Variants in ZNF69 observed in about 807,000 individuals in gnomAD.
ZNF69 encodes zinc finger protein 69.
In ZNF69, 47 loss-of-function variants were observed where a neutral mutation model predicts 50.9. The ratio of observed to expected loss-of-function variants is 0.92; its 90% CI spans 0.73 to 1.18. ZNF69 has a LOEUF of 1.18. Among genes scored for constraint, ZNF69 ranks in the 50% most tolerant of loss-of-function variants. The pLI is 0.00. For missense variants in ZNF69, 717 were observed against 675.1 expected (o/e 1.06, Z -0.69); for synonymous variants, 216 against 223.1 (o/e 0.97, Z 0.29).
Position 11,903,634 on chromosome 19 carries a change from A to C in ZNF69, c.125A>C (p.Asp42Ala). 1 of 1,614,146 alleles carries C rather than the reference A, an allele frequency of 6.2e-7. No homozygotes were observed. Among genetic ancestry groups the C allele is most frequent in the Non-Finnish European group, 8.5e-7 (1 of 1,180,020 alleles). ...ACCCAGGAGGAGTGGGCTTTGCTGG[A>C]TATTTCCCAGAGGAAACTCTACAAG... is the stretch of plus-strand genomic sequence containing the variant. The part of the protein sequence containing the change: ...NFTQEEWALL[D>A]ISQRKLYKEV... Residue 42 changes from aspartate to alanine, a missense_variant, in exon 2 of 4, where the codon GAT becomes GCT. By Grantham distance (126) the Asp-to-Ala change is moderately radical. Transcript: ENST00000429654.
At chr19:11,897,405 A>C (rs1275279541) in intron 1 of ZNF69, among the ~76,000 whole-genome samples, 1 of 152,096 alleles carries the variant, frequency 6.6e-6, no homozygotes, top group Non-Finnish European at 1.5e-5. Flanking sequence ...GCAACATGGC[A>C]AACTTTGCCT....
In ZNF69 at chr19:11,899,939, C is replaced by A. The variant is rs140505480; in HGVS notation, c.64-3634C>A. Reference sequence around the variant, plus strand: ...CTACTCCACCAGGTATTTGCTGGTGCTTTATTTTTGTTTTCCTTTTTTTTT... The same window carrying A: ...CTACTCCACCAGGTATTTGCTGGTGATTTATTTTTGTTTTCCTTTTTTTTT... On this transcript the variant is annotated intron_variant, in intron 1 of 3. Coordinates refer to ENST00000429654, the MANE Select transcript of ZNF69 (RefSeq NM_001364730.1). Among the ~76,000 whole-genome samples the A allele has an allele frequency of 2.1e-3, 322 of 152,206 alleles. 1 individual carries two copies. The highest frequency in any genetic ancestry group is 6.8e-3 in the African/African-American group (282 of 41,562).
At chr19:11,943,392 G>A in the ZNF69 span, among the ~76,000 whole-genome samples, 1 of 152,148 alleles carries the variant, frequency 6.6e-6, no homozygotes, top group Admixed American at 6.5e-5. Context: ...TTTCTTACCG[G>A]GCTAAAACAG....
the ZNF69 span, among the ~76,000 whole-genome samples, chr19:11,935,242 T>G: frequency 2.2e-4 from 31 of 140,710 alleles, 1 homozygote; most frequent in African/African-American, 7.6e-4. Flanking sequence ...TGTTTTTTTT[T>G]TTTTTTTTTT....
At chr19:11,939,658 A>C in the ZNF69 span, among the ~76,000 whole-genome samples, 1 of 152,126 alleles carries the variant, frequency 6.6e-6, no homozygotes, top group Non-Finnish European at 1.5e-5. Flanking sequence ...ATGGAGTTCC[A>C]CCACGTTGGC....
the ZNF69 span, chr19:11,949,514 AAC>A: frequency 1.9e-6 from 3 of 1,608,806 alleles, no homozygotes; most frequent in African/African-American, 2.7e-5. Context: ...AGGACAGAAA[AAC>A]ACATAAGAAT....
At chr19:11,975,786 A>G in the ZNF69 span, among the ~76,000 whole-genome samples, 1 of 152,102 alleles carries the variant, frequency 6.6e-6, no homozygotes, top group African/African-American at 2.4e-5. Context: ...GGGTGGCTGC[A>G]CTGCTCATTA....
At chr19:11,928,492 G>A in the ZNF69 span, among the ~76,000 whole-genome samples, 8 of 151,802 alleles carry the variant, frequency 5.3e-5, no homozygotes, top group African/African-American at 1.9e-4. Context: ...CAGCACTTTG[G>A]GAGGCCGAGG....
chr19:11,947,231 G>C, the ZNF69 span: 7 of 1,613,918 alleles, frequency 4.3e-6, no homozygotes, highest in African/African-American at 5.3e-5. Flanking sequence ...AGGAAGAGTG[G>C]ACATTGCTGG....
At chr19:11,942,146 GT>G in the ZNF69 span, among the ~76,000 whole-genome samples, 1 of 150,846 alleles carries the variant, frequency 6.6e-6, no homozygotes. Context: ...CATAATGGAT[GT>G]TTCTTTCTAC....
the ZNF69 span, chr19:11,949,949 A>T: frequency 6.2e-7 from 1 of 1,614,172 alleles, no homozygotes; most frequent in African/African-American, 1.3e-5. Flanking sequence ...GAAAGGACTC[A>T]CACTGGAGAG....
the ZNF69 span, among the ~76,000 whole-genome samples, chr19:11,967,656 G>A: frequency 1.3e-5 from 2 of 151,976 alleles, no homozygotes; most frequent in Admixed American, 1.3e-4. Flanking sequence ...ACCCACCTCG[G>A]CCTCCCAAAG....
At chr19:11,925,431 G>C in the ZNF69 span, among the ~76,000 whole-genome samples, 1 of 152,188 alleles carries the variant, frequency 6.6e-6, no homozygotes, top group African/African-American at 2.4e-5. Flanking sequence ...TTGGCCGCTG[G>C]ACGGGGCTGG....
At chr19:11,891,304 G>A (rs1038112048) in intron 1 of ZNF69, among the ~76,000 whole-genome samples, 2 of 151,184 alleles carry the variant, frequency 1.3e-5, no homozygotes, top group African/African-American at 4.9e-5. Flanking sequence ...GCTTGCACCT[G>A]TAGTTCCACG....
At chr19:11,913,707 T>C in exon 5 of ZNF69, 1 of 214,324 alleles carries the variant, frequency 4.7e-6, no homozygotes, top group Non-Finnish European at 9.1e-6. Flanking sequence ...AATTTTTCAT[T>C]CAGTCATAAT....
the ZNF69 span, chr19:11,925,290 A>G: frequency 1.9e-6 from 3 of 1,610,306 alleles, no homozygotes; most frequent in East Asian, 4.5e-5. Context: ...GTGCGGGACC[A>G]GATGTCGTGA....
chr19:11,948,523 C>A, the ZNF69 span: 1 of 1,611,506 alleles, frequency 6.2e-7, no homozygotes, highest in South Asian at 1.1e-5. Flanking sequence ...ATATAAGTGT[C>A]AACAACCTAA....
the ZNF69 span, among the ~76,000 whole-genome samples, chr19:11,976,067 C>G: frequency 6.9e-6 from 1 of 145,926 alleles, no homozygotes; most frequent in African/African-American, 2.6e-5. Flanking sequence ...ATCTAGCATG[C>G]CGGATTTGGG....
the ZNF69 span, among the ~76,000 whole-genome samples, chr19:11,921,175 C>CT: frequency 1.7e-4 from 26 of 149,752 alleles, no homozygotes; most frequent in South Asian, 6.4e-4. Context: ...TTCTTTTCTC[C>CT]TTTTTTTTTT....
Sources: gnomAD v4.1 joint callset for allele counts (sites outside exome capture counted in the v4.1 genomes callset) on GRCh38, gnomAD v4.1.1 for gene constraint, MANE v1.5 for transcripts, NCBI Gene and HGNC (gene_info 2026-07-23, HGNC 2026-07-21) for gene names.